DNAJC1: variants seen among roughly 807,000 people sequenced by gnomAD.
DNAJC1 encodes the protein dnaJ homolog subfamily C member 1.
Under a neutral mutation model 76.6 loss-of-function variants are expected in DNAJC1, and 58 were observed. That is an observed-to-expected ratio of 0.76 (90% CI 0.61 to 0.94). The LOEUF (loss-of-function observed/expected upper bound fraction) is 0.94. DNAJC1 is among the 40% of genes least tolerant of loss of function. The pLI, the probability that DNAJC1 is intolerant of heterozygous loss-of-function variation, is 0.00. For synonymous variants in DNAJC1, 258 were observed against 267.9 expected, an observed-to-expected ratio of 0.96 and a Z score of 0.36; for missense variants, 689 against 677.3, an observed-to-expected ratio of 1.02 and a Z score of -0.19.
At chr10:21,806,490 A>G (rs1182164528) in intron 8 of DNAJC1, among the ~76,000 whole-genome samples, 1 of 152,006 alleles carries the variant, frequency 6.6e-6, no homozygotes, top group Non-Finnish European at 1.5e-5. Flanking sequence ...ACATAAAGTT[A>G]CTATTAAAGG....
chr10:21,759,004 T>G (rs755965068), intron 11 of DNAJC1, among the ~76,000 whole-genome samples, 166 bp downstream of exon 11: 18 of 152,162 alleles, frequency 1.2e-4, no homozygotes, highest in Non-Finnish European at 1.9e-4. Flanking sequence ...AATGCACAGA[T>G]TCACACGCTC....
intron 1 of DNAJC1, among the ~76,000 whole-genome samples, chr10:21,955,120 A>C (rs953561386): frequency 6.6e-6 from 1 of 152,224 alleles, no homozygotes; most frequent in Non-Finnish European, 1.5e-5. Flanking sequence ...AGACATTGTC[A>C]AATGTCCCTG....
intron 9 of DNAJC1, among the ~76,000 whole-genome samples, chr10:21,769,979 C>T (rs1834354448): frequency 6.6e-6 from 1 of 152,228 alleles, no homozygotes; most frequent in South Asian, 2.1e-4. Context: ...AGCCACTGCG[C>T]CCGGCCTAAA....
chr10:21,830,355 A>G (rs1388821677), intron 8 of DNAJC1, among the ~76,000 whole-genome samples: 3 of 152,180 alleles, frequency 2.0e-5, no homozygotes, highest in Non-Finnish European at 4.4e-5. Flanking sequence ...TTCAACTAAT[A>G]CTTTAACAAT....
At chr10:21,994,787 T>C (rs1450570196) in intron 1 of DNAJC1, among the ~76,000 whole-genome samples, 2 of 151,874 alleles carry the variant, frequency 1.3e-5, no homozygotes, top group Admixed American at 6.6e-5. Context: ...CGAGACTCTG[T>C]CTCAAAACAA....
intron 6 of DNAJC1, among the ~76,000 whole-genome samples, chr10:21,908,265 A>AT (rs1836791631): frequency 8.6e-6 from 1 of 115,952 alleles, no homozygotes; most frequent in African/African-American, 3.2e-5. Context: ...ATATATATAT[A>AT]TATTTTATAT....
intron 8 of DNAJC1, among the ~76,000 whole-genome samples, chr10:21,870,423 C>T (rs1344169121): frequency 1.3e-5 from 2 of 152,062 alleles, no homozygotes; most frequent in Non-Finnish European, 2.9e-5. Context: ...TCGACTTTTT[C>T]TGAACTCCAG....
intron 9 of DNAJC1, among the ~76,000 whole-genome samples, chr10:21,803,005 G>T (rs1834830559): frequency 6.6e-6 from 1 of 151,768 alleles, no homozygotes; most frequent in Non-Finnish European, 1.5e-5. Flanking sequence ...AAATATACTC[G>T]GTGTCAATTT....
intron 9 of DNAJC1, among the ~76,000 whole-genome samples, chr10:21,796,535 C>T (rs760562562): frequency 2.0e-5 from 3 of 152,166 alleles, no homozygotes; most frequent in Non-Finnish European, 2.9e-5. Context: ...TTTTCTGTAA[C>T]AACTGTACCA....
At chr10:21,781,933 A>C (rs1420835754) in intron 9 of DNAJC1, among the ~76,000 whole-genome samples, 1 of 152,148 alleles carries the variant, frequency 6.6e-6, no homozygotes, top group Non-Finnish European at 1.5e-5. Context: ...CTAAATGCCC[A>C]CCAGAGAAAG....
Position 21,868,283 on chromosome 10 carries a change from C to T in DNAJC1, c.978+13999G>A, listed in dbSNP as rs188082469. On this transcript the variant is annotated intron_variant, in intron 8 of 11. Coordinates refer to ENST00000376980, the MANE Select transcript of DNAJC1 (RefSeq NM_022365.4). ...GGGCTTACAGACATGCACCACCATG[C>T]CCAGCTAATTTTGTATTTTTAGTAG... is the stretch of plus-strand genomic sequence containing the variant. 2.2e-4 allele frequency among the ~76,000 whole-genome samples: 34 copies of T among 151,492 alleles called. No individual in the cohort carries two copies. In the East Asian group the frequency reaches 6.6e-3, roughly 29 times the overall value.
intron 9 of DNAJC1, among the ~76,000 whole-genome samples, chr10:21,767,241 A>G (rs1418643591): frequency 6.6e-6 from 1 of 152,206 alleles, no homozygotes; most frequent in East Asian, 1.9e-4. Flanking sequence ...CCCAAGAACC[A>G]TGATACCTTT....
intron 1 of DNAJC1, among the ~76,000 whole-genome samples, chr10:21,973,149 T>C (rs1309536488): frequency 7.2e-5 from 11 of 152,182 alleles, no homozygotes; most frequent in Non-Finnish European, 1.5e-4. Flanking sequence ...TTCTGGTTTA[T>C]CAATTCTGTA....
intron 1 of DNAJC1, among the ~76,000 whole-genome samples, chr10:21,957,648 T>G (rs1400092855): frequency 2.6e-5 from 4 of 152,186 alleles, no homozygotes; most frequent in Admixed American, 1.3e-4. Flanking sequence ...TATTTAGGCT[T>G]TACTCATCTT....
chr10:21,943,654 G>T (rs1429578348), intron 1 of DNAJC1, among the ~76,000 whole-genome samples: 2 of 152,096 alleles, frequency 1.3e-5, no homozygotes, highest in Non-Finnish European at 2.9e-5. Context: ...GCTTCTTTCT[G>T]CTGTGGTTCC....
intron 1 of DNAJC1, among the ~76,000 whole-genome samples, chr10:21,996,920 T>C (rs868684958): frequency 6.6e-6 from 1 of 152,202 alleles, no homozygotes; most frequent in African/African-American, 2.4e-5. Context: ...GCTCTAACGC[T>C]ATGCATGCCT....
chr10:21,882,361 T>G lies in DNAJC1; in HGVS notation c.899A>C (p.Asp300Ala), dbSNP rs1437328005. 3 of 1,600,148 alleles carry G rather than the reference T, an allele frequency of 1.9e-6. No individual in the cohort carries two copies. Among genetic ancestry groups the G allele is most frequent in the Non-Finnish European group, 2.6e-6 (3 of 1,175,226 alleles). ...AATTTCTTCTATGGAAGTTCCATGA[T>G]CATAAGACTGAATATATGTAGTTTC... Reference protein sequence around the residue: ...PLETTYIQSYDHGTSIEEIEE... With the variant: ...PLETTYIQSYAHGTSIEEIEE... Residue 300 changes from aspartate to alanine, a missense_variant, in exon 8 of 12, where the codon GAT becomes GCT. By Grantham distance (126) the Asp-to-Ala change is moderately radical. Coordinates refer to ENST00000376980, the MANE Select transcript of DNAJC1 (RefSeq NM_022365.4).
Position 21,873,068 on chromosome 10 carries a change from G to A in DNAJC1, c.978+9214C>T, listed in dbSNP as rs535358866. On this transcript the variant is annotated intron_variant, in intron 8 of 11. Transcript: ENST00000376980. Reference sequence around the variant, plus strand: ...GAAAATCTCTGTCCTGTTCTGTTCCGTTCTAATAACCGGTGCACGCATCCC... The same window carrying A: ...GAAAATCTCTGTCCTGTTCTGTTCCATTCTAATAACCGGTGCACGCATCCC... Among the ~76,000 whole-genome samples the A allele has an allele frequency of 2.0e-4, 30 of 152,218 alleles. No individual in the cohort carries two copies. The South Asian group carries it at 2.9e-3, about 15-fold the overall frequency.
intron 1 of DNAJC1, among the ~76,000 whole-genome samples, chr10:21,995,567 T>C (rs1590085244): frequency 6.6e-6 from 1 of 152,370 alleles, no homozygotes; most frequent in African/African-American, 2.4e-5. Flanking sequence ...TCTTAGATTA[T>C]TAGCTTTAAT....
Sources: gnomAD v4.1 joint callset for allele counts (sites outside exome capture counted in the v4.1 genomes callset) on GRCh38, gnomAD v4.1.1 for gene constraint, MANE v1.5 for transcripts, NCBI Gene and HGNC (gene_info 2026-07-23, HGNC 2026-07-21) for gene names.